The following MRTFB variants were observed in gnomAD, a reference collection of about 807,000 sequenced individuals.
The protein encoded by MRTFB is myocardin-related transcription factor B.
In MRTFB, 29 loss-of-function variants were observed where a neutral mutation model predicts 104.2. The ratio of observed to expected loss-of-function variants is 0.28; its 90% CI spans 0.21 to 0.38. The LOEUF (loss-of-function observed/expected upper bound fraction) is 0.38, where lower values mean the gene tolerates loss of function less well. MRTFB is among the 10% of genes least tolerant of loss of function. MRTFB has a pLI of 1.00. For synonymous variants in MRTFB, 535 were observed against 519.5 expected, an observed-to-expected ratio of 1.03 and a Z score of -0.41; for missense variants, 1,270 against 1,341.6, an observed-to-expected ratio of 0.95 and a Z score of 0.83.
At chr16:14,200,336 T>TA (rs1279642250) in intron 3 of MRTFB, 2 of 1,607,504 alleles carry the variant, frequency 1.2e-6, no homozygotes, top group African/African-American at 2.7e-5. Context: ...CTCCCGGAAG[T>TA]AAGGCTGGCG....
chr16:14,083,309 A>G (rs2034516739), intron 2 of MRTFB, among the ~76,000 whole-genome samples: 1 of 152,158 alleles, frequency 6.6e-6, no homozygotes, highest in South Asian at 2.1e-4. Context: ...AAACAGGAAC[A>G]ATTTTACTTC....
intron 9 of MRTFB, among the ~76,000 whole-genome samples, chr16:14,236,883 G>A (rs2042540851): frequency 6.6e-6 from 1 of 152,216 alleles, no homozygotes; most frequent in Non-Finnish European, 1.5e-5. Flanking sequence ...AGTGGCAGCT[G>A]GGGAGATAAC....
At chr16:14,225,835 C>T (rs975589576) in intron 8 of MRTFB, among the ~76,000 whole-genome samples, 1 of 152,138 alleles carries the variant, frequency 6.6e-6, no homozygotes, top group Non-Finnish European at 1.5e-5. Flanking sequence ...ACATGTGCAG[C>T]TGGTCACATC....
chr16:14,032,854 C>T, the MRTFB span, among the ~76,000 whole-genome samples: 5 of 152,100 alleles, frequency 3.3e-5, no homozygotes, highest in East Asian at 9.6e-4. Context: ...CATGATCTTG[C>T]TCTGTCACCC....
chr16:14,016,796 A>C, the MRTFB span, among the ~76,000 whole-genome samples: 1 of 113,480 alleles, frequency 8.8e-6, no homozygotes, highest in Non-Finnish European at 2.0e-5. Context: ...AAAAAAAAAA[A>C]AAAGACCCTG....
At chr16:14,091,112 G>T (rs1005692289) in intron 2 of MRTFB, among the ~76,000 whole-genome samples, 3 of 152,142 alleles carry the variant, frequency 2.0e-5, no homozygotes, top group African/African-American at 7.2e-5. Flanking sequence ...TACCATGGAT[G>T]CTGGATGCAA....
intron 3 of MRTFB, chr16:14,144,549 G>T (rs117722655): frequency 6.6e-6 from 1 of 152,242 alleles, no homozygotes; most frequent in East Asian, 1.9e-4. Context: ...TAGATTTTAA[G>T]TGTTGTCACC....
At position 14,150,031 on chromosome 16, in the gene MRTFB, T is replaced by C. The variant is rs572882435; in HGVS notation, c.154+9271T>C. On this transcript the variant is annotated intron_variant, in intron 3 of 16. Coordinates refer to ENST00000571589, the MANE Select transcript of MRTFB (RefSeq NM_001308142.2). ...AGCACACATACGGCACATCTTAGGC[T>C]CTCAGTACATGTTTTAATTAACCCA... Among the ~76,000 whole-genome samples, 3 of 152,264 alleles carry C rather than the reference T, an allele frequency of 2.0e-5. No homozygotes were observed. In the East Asian group the frequency reaches 5.8e-4, roughly 29 times the overall value.
chr16:13,997,185 T>C, the MRTFB span, among the ~76,000 whole-genome samples: 1 of 152,192 alleles, frequency 6.6e-6, no homozygotes, highest in African/African-American at 2.4e-5. Flanking sequence ...CCTCTGCAGT[T>C]TCACGCAGAC....
chr16:14,258,086 T>C lies in MRTFB; in HGVS notation c.2704-15T>C, dbSNP rs762961101. The C allele has an allele frequency of 3.7e-6, 6 of 1,611,800 alleles. No individual in the cohort carries two copies. In the South Asian group the frequency reaches 4.4e-5, roughly 12 times the overall value. ...TGTATGAAAGAAACCTAATTTGTAC[T>C]CTCCTTCATTGTAGATTTCCAACGC... On this transcript the variant is annotated splice_polypyrimidine_tract_variant and intron_variant, in intron 15 of 16. Coordinates refer to ENST00000571589, the MANE Select transcript of MRTFB (RefSeq NM_001308142.2).
chr16:14,156,777 A>G (rs543168424), intron 3 of MRTFB, among the ~76,000 whole-genome samples: 82 of 152,338 alleles, frequency 5.4e-4, no homozygotes, highest in African/African-American at 1.9e-3. Flanking sequence ...ATTTGATTCA[A>G]CTTGGCAAAA....
intron 3 of MRTFB, chr16:14,186,794 G>A (rs2039968789): frequency 6.5e-7 from 1 of 1,547,578 alleles, no homozygotes; most frequent in South Asian, 1.2e-5. Context: ...CCAGTGATTG[G>A]GGTATTGTGG....
intron 2 of MRTFB, among the ~76,000 whole-genome samples, chr16:14,122,862 C>T (rs971801980): frequency 1.3e-5 from 2 of 152,208 alleles, no homozygotes; most frequent in African/African-American, 4.8e-5. Flanking sequence ...TGAGGAATCA[C>T]CACACTGTCT....
At chr16:14,072,925 TAACA>T (rs748035481) in intron 1 of MRTFB, among the ~76,000 whole-genome samples, 1 of 152,248 alleles carries the variant, frequency 6.6e-6, no homozygotes, top group Non-Finnish European at 1.5e-5. Flanking sequence ...ACTGGCTTCC[TAACA>T]ATTACCATTG....
chr16:14,080,005 C>T (rs1031800038), intron 2 of MRTFB, among the ~76,000 whole-genome samples: 21 of 152,262 alleles, frequency 1.4e-4, no homozygotes, highest in African/African-American at 4.6e-4. Flanking sequence ...GAAAGATACG[C>T]GTAATCCTAC....
the MRTFB span, among the ~76,000 whole-genome samples, chr16:14,050,120 C>T: frequency 1.3e-5 from 2 of 152,110 alleles, no homozygotes; most frequent in Non-Finnish European, 2.9e-5. Flanking sequence ...TGTATATACA[C>T]ATAGACTTAT....
Position 14,261,228 on chromosome 16 carries a change from T to G in MRTFB, c.3084T>G (p.His1028Gln). 1 of 1,614,178 alleles carries G rather than the reference T, an allele frequency of 6.2e-7. No individual in the cohort carries two copies. Among genetic ancestry groups the G allele is most frequent in the Non-Finnish European group, 8.5e-7 (1 of 1,180,040 alleles). ...TGAGTCACTCAGGTATGCTGGACCATTCACACTCACCCATGGAGACTTCCG... is the reference window on the plus strand; with the variant it reads ...TGAGTCACTCAGGTATGCTGGACCAGTCACACTCACCCATGGAGACTTCCG... Reference protein sequence around the residue: ...DLLSHSGMLDHSHSPMETSET... With the variant: ...DLLSHSGMLDQSHSPMETSET... Residue 1028 changes from histidine (H) to glutamine (Q), a missense_variant, in exon 17 of 17, where the codon CAT (histidine) becomes CAG (glutamine). Coordinates refer to ENST00000571589, the MANE Select transcript of MRTFB (RefSeq NM_001308142.2).
At chr16:14,092,953 T>C (rs1384580561) in intron 2 of MRTFB, 1 of 152,244 alleles carries the variant, frequency 6.6e-6, no homozygotes, top group Non-Finnish European at 1.5e-5. Context: ...AGTTTCATCT[T>C]TTATATAAAA....
At chr16:14,107,879 C>T (rs2036070135) in intron 2 of MRTFB, among the ~76,000 whole-genome samples, 1 of 152,198 alleles carries the variant, frequency 6.6e-6, no homozygotes, top group Non-Finnish European at 1.5e-5. Context: ...GAAGACATGC[C>T]TGCCTTTGGT....
Sources: allele counts gnomAD v4.1 joint callset (sites outside exome capture counted in the v4.1 genomes callset), GRCh38; gene constraint gnomAD v4.1.1; transcripts MANE v1.5; gene names NCBI Gene and HGNC (gene_info 2026-07-23, HGNC 2026-07-21).